The following SLIT1 variants were observed in gnomAD, a reference collection of about 807,000 sequenced individuals.
SLIT1 encodes the protein slit guidance ligand 1, also known as slit homolog 1 protein.
Under a neutral mutation model 186.1 loss-of-function variants are expected in SLIT1, and 66 were observed. The observed-to-expected ratio is 0.35, with a 90% CI of 0.29 to 0.44. The LOEUF is 0.44. SLIT1 is among the 20% of genes least tolerant of loss of function. The probability of loss-of-function intolerance (pLI) is 1.00; values close to 1 mark genes in which losing one functional copy is unlikely to be tolerated. For missense variants in SLIT1, 1,638 were observed against 2,037.4 expected, an observed-to-expected ratio of 0.80 and a Z score of 3.77; for synonymous variants, 761 against 833.8, an observed-to-expected ratio of 0.91 and a Z score of 1.50.
chr10:97,034,165 G>A (rs147465067), intron 23 of SLIT1, among the ~76,000 whole-genome samples: 6 of 152,230 alleles, frequency 3.9e-5, no homozygotes, highest in East Asian at 3.9e-4. Flanking sequence ...GCGCCTGGCC[G>A]AGTGTCCTTA....
In SLIT1 at chr10:97,185,799, C is replaced by G; in HGVS notation, c.-125G>C. The G allele has an allele frequency of 1.2e-6, 1 of 859,466 alleles. No homozygotes were observed. The allele number at this position is 859,466 out of a possible 1,614,324, so 53.2% of individuals were successfully genotyped here. A position where few individuals can be genotyped will look rare whatever the true frequency, so the allele number is the denominator to read the frequency against. On this transcript the variant is annotated 5_prime_UTR_variant, in exon 1 of 37. Coordinates refer to ENST00000266058, the MANE Select transcript of SLIT1 (RefSeq NM_003061.3). ...GAAGAGCCCGCGGGCTTGCGCGCGG[C>G]GCCCCTGCGGGCTGGGAGGCACCTT...
chr10:97,012,076 ACACACACACAC>A, intron 30 of SLIT1, among the ~76,000 whole-genome samples: 1 of 360 alleles, frequency 2.8e-3, no homozygotes, highest in East Asian at 0.1. Context: ...CAAGCCCAGT[ACACACACACAC>A]ACACACACAC....
At chr10:97,016,418 GACAGTTTC>G (rs1444095507) in intron 28 of SLIT1, among the ~76,000 whole-genome samples, 1 of 152,154 alleles carries the variant, frequency 6.6e-6, no homozygotes, top group Admixed American at 6.5e-5. Context: ...TTATTTTAGA[GACAGTTTC>G]ACTGTGTTGC....
At chr10:97,059,711 G>T in intron 10 of SLIT1, 180 bp from the exon 11 acceptor site, 2 of 644,952 alleles carry the variant, frequency 3.1e-6, no homozygotes, top group East Asian at 5.5e-5. Flanking sequence ...TCCCTGTGCA[G>T]TCTGAGGGCT....
In SLIT1 at chr10:97,004,688, C is replaced by T. The variant is rs1344472028; in HGVS notation, c.3710+5G>A. On this transcript the variant is annotated splice_donor_5th_base_variant and intron_variant, in intron 33 of 36. Coordinates refer to ENST00000266058, the MANE Select transcript of SLIT1 (RefSeq NM_003061.3). This position sits in a 1 kb window ranked among gnomAD's most constrained non-coding sequence, Gnocchi z 5.1. ...GGGCAGCTGGGGGGCATAAGGAAGC[C>T]CTACCTGTAGATGGCAGAGCTGGGG... 6.2e-7 allele frequency: 1 copy of T among 1,613,936 alleles called. No individual in the cohort carries two copies. The highest frequency in any genetic ancestry group is 1.3e-5 in the African/African-American group (1 of 74,886).
intron 13 of SLIT1, among the ~76,000 whole-genome samples, 182 bp downstream of exon 13, chr10:97,056,139 G>A (rs1848833995): frequency 6.6e-6 from 1 of 152,180 alleles, no homozygotes; most frequent in Non-Finnish European, 1.5e-5. Flanking sequence ...CAGCCAATAA[G>A]AGGCCTAGGT....
rs368348201 is a variant in SLIT1 at position 97,004,213 on chromosome 10, C to A, written c.3720G>T (p.Thr1240=). The A allele has an allele frequency of 1.1e-5, 17 of 1,604,834 alleles. No individual in the cohort carries two copies. The African/African-American group carries it at 1.2e-4, about 11-fold the overall frequency. ...CGGTGTGGAATTGCCCATCGTTGATCGTCTCAGCACTGGAGGAAGAGGGGG... is the reference window on the plus strand; with the variant it reads ...CGGTGTGGAATTGCCCATCGTTGATAGTCTCAGCACTGGAGGAAGAGGGGG... ...YPSSAIYSAE[T]INDGQFHTVE... The change falls in exon 34 of 37, where the codon ACG becomes ACT. Residue 1240 remains threonine (T), a synonymous_variant. Coordinates refer to ENST00000266058, the MANE Select transcript of SLIT1 (RefSeq NM_003061.3). The surrounding 1 kb of genome is among the most constrained non-coding windows in gnomAD (Gnocchi z 5.1).
At chr10:97,181,010 C>G (rs909356515) in intron 1 of SLIT1, among the ~76,000 whole-genome samples, 1 of 152,212 alleles carries the variant, frequency 6.6e-6, no homozygotes, top group Non-Finnish European at 1.5e-5. Context: ...AGCCACTTAC[C>G]AAGCGTGGCA....
chr10:97,097,932 C>T (rs1387948360), intron 4 of SLIT1, among the ~76,000 whole-genome samples: 1 of 152,216 alleles, frequency 6.6e-6, no homozygotes, highest in Non-Finnish European at 1.5e-5. Flanking sequence ...TTCACTTCCA[C>T]ACGTACATTT....
At position 97,022,189 on chromosome 10, in the gene SLIT1, G is replaced by A. The variant is rs1011002148; in HGVS notation, c.2583-776C>T. Reference sequence around the variant, plus strand: ...TCCATCTCAAAGATGTGGGCACCGAGCCTCCCATGGAATAAGTAATTTCCC... The same window carrying A: ...TCCATCTCAAAGATGTGGGCACCGAACCTCCCATGGAATAAGTAATTTCCC... On this transcript the variant is annotated intron_variant, in intron 25 of 36. Coordinates refer to ENST00000266058, the MANE Select transcript of SLIT1 (RefSeq NM_003061.3). The surrounding 1 kb of genome is among the most constrained non-coding windows in gnomAD (Gnocchi z 4.2). Among the ~76,000 whole-genome samples, 1 of 152,202 alleles carries A rather than the reference G, an allele frequency of 6.6e-6. No homozygotes were observed. The highest frequency in any genetic ancestry group is 6.5e-5 in the Admixed American group (1 of 15,278).
chr10:97,012,075 TACACACACACACACACACACACACACAC>T (rs35171328), intron 30 of SLIT1, among the ~76,000 whole-genome samples: 17 of 130,826 alleles, frequency 1.3e-4, no homozygotes, highest in African/African-American at 2.6e-4. Flanking sequence ...TCAAGCCCAG[TACACACACACACACACACACACACACAC>T]ACACACACAC....
At chr10:97,119,917 A>G (rs1372574149) in intron 4 of SLIT1, among the ~76,000 whole-genome samples, 5 of 85,334 alleles carry the variant, frequency 5.9e-5, no homozygotes, top group Non-Finnish European at 9.7e-5. Flanking sequence ...AAAGGGGTAT[A>G]TATATATATA....
At chr10:97,183,290 C>T (rs1850366566) in intron 1 of SLIT1, among the ~76,000 whole-genome samples, 1 of 152,204 alleles carries the variant, frequency 6.6e-6, no homozygotes. Flanking sequence ...TCACTCCCTG[C>T]TGACGCCTCA....
At chr10:97,176,463 G>A (rs1015938746) in intron 1 of SLIT1, among the ~76,000 whole-genome samples, 1 of 151,900 alleles carries the variant, frequency 6.6e-6, no homozygotes, top group African/African-American at 2.4e-5. Flanking sequence ...CAGTCCACCT[G>A]CCTCTATGCT....
At chr10:97,133,606 T>G (rs1849674861) in intron 4 of SLIT1, among the ~76,000 whole-genome samples, 1 of 152,194 alleles carries the variant, frequency 6.6e-6, no homozygotes, top group Non-Finnish European at 1.5e-5. Context: ...GAACTTAACA[T>G]TACTGAACAG....
At chr10:97,046,615 G>A (rs1848735580) in intron 18 of SLIT1, 39 bp downstream of exon 18, 1 of 1,555,306 alleles carries the variant, frequency 6.4e-7, no homozygotes, top group South Asian at 1.2e-5. Flanking sequence ...CCTGCCTCCT[G>A]CAGCTGGCCC....
At chr10:97,107,209 T>C (rs1266573483) in intron 4 of SLIT1, among the ~76,000 whole-genome samples, 2 of 152,248 alleles carry the variant, frequency 1.3e-5, no homozygotes, top group Non-Finnish European at 2.9e-5. Flanking sequence ...TGCAGGGGCC[T>C]CCTGGAGACA....
rs949933129 is a variant in SLIT1 at position 97,049,065 on chromosome 10, T to C, written c.1355A>G (p.Asp452Gly). Residue 452 changes from aspartate (D) to glycine (G), a missense_variant, in exon 14 of 37, where the codon GAC (aspartate) becomes GGC (glycine). This residue lies in a region of SLIT1 where 1,245 missense variants were observed against 1,535.3 expected (regional missense o/e 0.81). Transcript: ENST00000266058. Reference protein sequence around the residue: ...ICDCNLKWLADFLRTNPIETS... With the variant: ...ICDCNLKWLAGFLRTNPIETS... The stretch of plus-strand genomic sequence containing the variant: ...CTCGATGGGATTGGTGCGCAGGAAG[T>C]CTGCCAGCCACTTGAGGTTACAGTC... The C allele has an allele frequency of 6.2e-7, 1 of 1,613,856 alleles. No homozygotes were observed. Among genetic ancestry groups the C allele is most frequent in the Non-Finnish European group, 8.5e-7 (1 of 1,180,040 alleles).
intron 12 of SLIT1, among the ~76,000 whole-genome samples, chr10:97,056,668 C>G (rs1324015739): frequency 1.3e-5 from 2 of 152,250 alleles, no homozygotes; most frequent in African/African-American, 4.8e-5. Context: ...ATAGGGACAT[C>G]TTGGTCAACC....
Sources: allele counts gnomAD v4.1 joint callset (sites outside exome capture counted in the v4.1 genomes callset), GRCh38; gene constraint gnomAD v4.1.1; regional missense constraint gnomAD v4.1.1; non-coding constraint Gnocchi (gnomAD v3.1); transcripts MANE v1.5; gene names NCBI Gene and HGNC (gene_info 2026-07-23, HGNC 2026-07-21).